Variants in DYNC2H1 observed in about 807,000 individuals in gnomAD.
DYNC2H1 encodes dynein cytoplasmic 2 heavy chain 1.
DYNC2H1 carries 410 observed loss-of-function variants against 570.0 expected under a neutral mutation model. That is an observed-to-expected ratio of 0.72 (90% CI 0.66 to 0.78). The LOEUF (loss-of-function observed/expected upper bound fraction) is 0.78. Among genes scored for constraint, DYNC2H1 ranks in the 30% least tolerant of loss-of-function variants. The pLI is 0.00. For missense variants in DYNC2H1, 4,865 were observed against 5,046.4 expected (o/e 0.96, Z 1.09); for synonymous variants, 1,688 against 1,677.6 (o/e 1.01, Z -0.15).
chr11:103,375,664 G>A (rs781626807), intron 83 of DYNC2H1, among the ~76,000 whole-genome samples: 32 of 152,208 alleles, frequency 2.1e-4, no homozygotes, highest in Admixed American at 7.9e-4. Context: ...CTTGCATGGG[G>A]CCTATAGCCC....
intron 75 of DYNC2H1, among the ~76,000 whole-genome samples, chr11:103,287,920 T>C (rs994527021): frequency 4.6e-5 from 7 of 152,210 alleles, no homozygotes; most frequent in African/African-American, 1.4e-4. Context: ...GTTTTATTAT[T>C]ACTCAAATCA....
chr11:103,235,628 A>G, intron 61 of DYNC2H1, 44 bp from the exon 62 acceptor site: 2 of 1,551,776 alleles, frequency 1.3e-6, no homozygotes, highest in Non-Finnish European at 1.7e-6. Context: ...TAATGTTAGA[A>G]CATACTCATA....
Position 103,192,019 on chromosome 11 carries a change from ATTTC to A in DYNC2H1, c.7541-72_7541-69del. 7 of 1,204,512 alleles carry A rather than the reference ATTTC, an allele frequency of 5.8e-6. No individual in the cohort carries two copies. In the South Asian group the frequency reaches 8.8e-5, roughly 15 times the overall value. The allele number at this position is 1,204,512 out of a possible 1,614,324, so 74.6% of individuals were successfully genotyped here. On this transcript the variant is annotated intron_variant, in intron 46 of 88. Coordinates refer to ENST00000375735, the MANE Select transcript of DYNC2H1 (RefSeq NM_001377.3). ...AAATTATGGTATGTAGACACCTGCT[ATTTC>A]TTTCTAATTTTATGTTAAACATATT... is the stretch of plus-strand genomic sequence containing the variant.
At chr11:103,414,523 G>A (rs1390637212) in intron 84 of DYNC2H1, among the ~76,000 whole-genome samples, 3 of 152,090 alleles carry the variant, frequency 2.0e-5, no homozygotes, top group Admixed American at 6.6e-5. Context: ...GGAGGCTGAG[G>A]CAGAAGAATT....
At chr11:103,404,620 T>C (rs1942783314) in intron 84 of DYNC2H1, 1 of 150,338 alleles carries the variant, frequency 6.7e-6, no homozygotes, top group Non-Finnish European at 1.5e-5. Context: ...AAGTGGATTT[T>C]AGCCTATCTG....
At chr11:103,365,266 C>T (rs778955463) in intron 83 of DYNC2H1, among the ~76,000 whole-genome samples, 3 of 151,654 alleles carry the variant, frequency 2.0e-5, no homozygotes, top group Non-Finnish European at 4.4e-5. Flanking sequence ...GAGGCTGAGG[C>T]AGGAGAAGCA....
rs1372781572 is a variant in DYNC2H1 at position 103,228,055 on chromosome 11, A to G, written c.9354-3205A>G. Among the ~76,000 whole-genome samples, 1 of 151,850 alleles carries G rather than the reference A, an allele frequency of 6.6e-6. No individual in the cohort carries two copies. The highest frequency in any genetic ancestry group is 6.6e-5 in the Admixed American group (1 of 15,240). On this transcript the variant is annotated intron_variant, in intron 59 of 88. Coordinates refer to ENST00000375735, the MANE Select transcript of DYNC2H1 (RefSeq NM_001377.3). The surrounding 1 kb of genome is among the most constrained non-coding windows in gnomAD (Gnocchi z 6.1). ...ATGGAATATGTTTTTCCACCCCTTT[A>G]CCTTAAGTTTATGAGAGTCCTTATT... is the stretch of plus-strand genomic sequence containing the variant.
At chr11:103,374,217 G>A (rs1335280887) in intron 83 of DYNC2H1, among the ~76,000 whole-genome samples, 1 of 152,156 alleles carries the variant, frequency 6.6e-6, no homozygotes, top group East Asian at 1.9e-4. Flanking sequence ...TGTCATGGGA[G>A]GGACCCAGTG....
intron 84 of DYNC2H1, among the ~76,000 whole-genome samples, chr11:103,421,345 A>T (rs367969869): frequency 3.9e-5 from 6 of 152,176 alleles, no homozygotes; most frequent in East Asian, 3.9e-4. Flanking sequence ...GCTAAGGATC[A>T]GGTGGATGTG....
Position 103,243,157 on chromosome 11 carries a change from G to A in DYNC2H1, c.9820-536G>A, listed in dbSNP as rs1333566714. Among the ~76,000 whole-genome samples, 1 of 151,996 alleles carries A rather than the reference G, an allele frequency of 6.6e-6. No individual in the cohort carries two copies. Among genetic ancestry groups the A allele is most frequent in the Non-Finnish European group, 1.5e-5 (1 of 67,990 alleles). Reference sequence around the variant, plus strand: ...TATATACTGCTTTAGAAGAATTAATGTCTTAAAATGTGAACAATTATATTG... The same window carrying A: ...TATATACTGCTTTAGAAGAATTAATATCTTAAAATGTGAACAATTATATTG... On this transcript the variant is annotated intron_variant, in intron 63 of 88. Coordinates refer to ENST00000375735, the MANE Select transcript of DYNC2H1 (RefSeq NM_001377.3). This position sits in a 1 kb window ranked among gnomAD's most constrained non-coding sequence, Gnocchi z 4.8.
intron 37 of DYNC2H1, 150 bp downstream of exon 37, chr11:103,176,584 T>C: frequency 1.8e-6 from 1 of 556,918 alleles, no homozygotes; most frequent in Middle Eastern, 4.8e-4. Flanking sequence ...CTTCAAGTCC[T>C]GATTTGATCT....
intron 39 of DYNC2H1, among the ~76,000 whole-genome samples, chr11:103,179,969 G>A (rs1861784066): frequency 6.6e-6 from 1 of 151,332 alleles, no homozygotes; most frequent in Non-Finnish European, 1.5e-5. Context: ...AGTCATTTTA[G>A]GTGTTGTATG....
chr11:103,235,522 T>C, intron 61 of DYNC2H1, 150 bp from the exon 62 acceptor site: 3 of 624,722 alleles, frequency 4.8e-6, no homozygotes, highest in Non-Finnish European at 7.2e-6. Context: ...TCTGAGATCT[T>C]TTTGATATTT....
intron 50 of DYNC2H1, among the ~76,000 whole-genome samples, chr11:103,202,735 T>A (rs1277448199): frequency 6.6e-6 from 1 of 152,156 alleles, no homozygotes. Flanking sequence ...GACTTTTCAC[T>A]TAATGTTATA....
At chr11:103,149,012 G>T (rs1374245341) in intron 20 of DYNC2H1, among the ~76,000 whole-genome samples, 2 of 152,112 alleles carry the variant, frequency 1.3e-5, no homozygotes, top group Non-Finnish European at 2.9e-5. Context: ...AGCCAAGATC[G>T]TGCCACTGCA....
chr11:103,306,721 A>T (rs917891657), intron 77 of DYNC2H1, among the ~76,000 whole-genome samples: 1 of 152,190 alleles, frequency 6.6e-6, no homozygotes, highest in Non-Finnish European at 1.5e-5. Flanking sequence ...AGTGTTAAAC[A>T]TCAATTATAT....
chr11:103,267,193 A>G (rs1481136331), intron 70 of DYNC2H1, among the ~76,000 whole-genome samples: 2 of 151,840 alleles, frequency 1.3e-5, no homozygotes, highest in Non-Finnish European at 2.9e-5. Flanking sequence ...GGCCAGGAAC[A>G]AGTCCAGGTG....
rs600167 is a variant in DYNC2H1 at position 103,255,937 on chromosome 11, A to G, written c.10327-169A>G. 0.24 allele frequency among the ~76,000 whole-genome samples: 37,026 copies of G among 151,952 alleles called. 5,043 individuals carry two copies. The highest frequency in any genetic ancestry group is 0.38 in the African/African-American group (15,729 of 41,456). On this transcript the variant is annotated intron_variant, in intron 67 of 88. Transcript: ENST00000375735. ...TTATGAATTCATTTGATATAAGAAG[A>G]CTATAATAAAAACAGAATAAAACTT... is the stretch of plus-strand genomic sequence containing the variant.
At chr11:103,162,743 A>G (rs1861149215) in intron 29 of DYNC2H1, among the ~76,000 whole-genome samples, 1 of 152,280 alleles carries the variant, frequency 6.6e-6, no homozygotes, top group African/African-American at 2.4e-5. Flanking sequence ...GTATAGATAT[A>G]GTCATGGTAG....
Sources: gnomAD v4.1 joint callset for allele counts (sites outside exome capture counted in the v4.1 genomes callset) on GRCh38, gnomAD v4.1.1 for gene constraint, Gnocchi (gnomAD v3.1) non-coding constraint, MANE v1.5 for transcripts, NCBI Gene and HGNC (gene_info 2026-07-23, HGNC 2026-07-21) for gene names.